Variants in ITGA9 observed in about 807,000 individuals in gnomAD.
The protein encoded by ITGA9 is integrin subunit alpha 9.
In ITGA9, 56 loss-of-function variants were observed where a neutral mutation model predicts 127.8. That is an observed-to-expected ratio of 0.44 (90% CI 0.35 to 0.55). ITGA9 has a LOEUF of 0.55. Ranked by LOEUF, ITGA9 falls within the 20% of genes least tolerant of loss-of-function variation. The pLI, the probability that ITGA9 is intolerant of heterozygous loss-of-function variation, is 0.00. For synonymous variants in ITGA9, 508 were observed against 514.5 expected (o/e 0.99, Z 0.17); for missense variants, 1,196 against 1,347.1 (o/e 0.89, Z 1.76).
At chr3:37,549,827 GC>G (rs1699361999) in intron 15 of ITGA9, among the ~76,000 whole-genome samples, 1 of 152,162 alleles carries the variant, frequency 6.6e-6, no homozygotes, top group African/African-American at 2.4e-5. Context: ...TTTGGAAGCA[GC>G]AAGATTTCTC....
At position 37,814,146 on chromosome 3, in the gene ITGA9, T is replaced by C. The variant is rs1040719961; in HGVS notation, c.3010-4745T>C. ...GTACCCAGCTGTGTGGCCCACAGTCTAGAGCCTTGAATTCACTTTGGGGAA... is the reference window on the plus strand; with the variant it reads ...GTACCCAGCTGTGTGGCCCACAGTCCAGAGCCTTGAATTCACTTTGGGGAA... On this transcript the variant is annotated intron_variant, in intron 27 of 27. Coordinates refer to ENST00000264741, the MANE Select transcript of ITGA9 (RefSeq NM_002207.3). The surrounding 1 kb of genome is among the most constrained non-coding windows in gnomAD (Gnocchi z 4.3). Among the ~76,000 whole-genome samples the C allele has an allele frequency of 2.6e-5, 4 of 152,202 alleles. No individual in the cohort carries two copies. Among genetic ancestry groups the C allele is most frequent in the South Asian group, 2.1e-4 (1 of 4,836 alleles).
intron 4 of ITGA9, among the ~76,000 whole-genome samples, chr3:37,489,898 A>G (rs1347360631): frequency 1.3e-5 from 2 of 152,152 alleles, no homozygotes; most frequent in Non-Finnish European, 1.5e-5. Flanking sequence ...TTGTGGATGG[A>G]GTAATGGTGA....
intron 23 of ITGA9, among the ~76,000 whole-genome samples, chr3:37,773,850 T>C (rs1404384364): frequency 6.6e-6 from 1 of 152,244 alleles, no homozygotes; most frequent in Non-Finnish European, 1.5e-5. Flanking sequence ...CAACTATCTG[T>C]GTATAATGTT....
intron 1 of ITGA9, among the ~76,000 whole-genome samples, chr3:37,460,482 A>G (rs992615655): frequency 6.6e-6 from 1 of 152,174 alleles, no homozygotes; most frequent in Non-Finnish European, 1.5e-5. Flanking sequence ...TAAACGCTTC[A>G]GGTGATGGAT....
At chr3:37,650,487 C>T (rs1700419444) in intron 16 of ITGA9, among the ~76,000 whole-genome samples, 1 of 152,074 alleles carries the variant, frequency 6.6e-6, no homozygotes, top group African/African-American at 2.4e-5. Context: ...GGCTGGAGTG[C>T]AATGGTTGGT....
chr3:37,749,079 C>T (rs1696547527), intron 22 of ITGA9: 1 of 314,664 alleles, frequency 3.2e-6, no homozygotes, highest in Non-Finnish European at 5.8e-6. Flanking sequence ...TTCTGAAGAA[C>T]AGAAGTCCAA....
intron 18 of ITGA9, 101 bp from the exon 19 acceptor site, chr3:37,732,611 G>A (rs143126335): frequency 3.0e-5 from 26 of 855,234 alleles, no homozygotes; most frequent in African/African-American, 1.0e-4. Context: ...GGTGCCTACC[G>A]TCTGAGCACT....
chr3:37,818,868 T>C, intron 27 of ITGA9, 23 bp from the exon 28 acceptor site: 1 of 1,579,918 alleles, frequency 6.3e-7, no homozygotes, highest in Non-Finnish European at 8.7e-7. Flanking sequence ...CTAACTCAGC[T>C]TCTCTTTCTT....
intron 23 of ITGA9, among the ~76,000 whole-genome samples, chr3:37,758,005 A>G (rs1696674511): frequency 6.6e-6 from 1 of 151,794 alleles, no homozygotes; most frequent in Non-Finnish European, 1.5e-5. Context: ...TCACTTTGAA[A>G]ACAGATACAA....
At chr3:37,518,771 CTTTTTTTTTTTTTTTTTTTTT>C (rs543297344) in intron 10 of ITGA9, among the ~76,000 whole-genome samples, 2 of 43,492 alleles carry the variant, frequency 4.6e-5, no homozygotes, top group South Asian at 9.1e-4. Flanking sequence ...TTTCACTGTA[CTTTTTTTTTTTTTTTTTTTTT>C]TTTTTTTTTT....
intron 19 of ITGA9, chr3:37,733,013 T>G (rs1696313329): frequency 1.8e-6 from 1 of 570,944 alleles, no homozygotes; most frequent in African/African-American, 1.9e-5. Context: ...TTCTCTTCGA[T>G]TCACATGATG....
At chr3:37,468,214 C>T (rs745652215) in intron 1 of ITGA9, among the ~76,000 whole-genome samples, 1 of 151,974 alleles carries the variant, frequency 6.6e-6, no homozygotes, top group Non-Finnish European at 1.5e-5. Context: ...CGCAGGGCAG[C>T]CTGGGTACCT....
chr3:37,513,128 C>G (rs1698950462), intron 8 of ITGA9, among the ~76,000 whole-genome samples: 1 of 152,198 alleles, frequency 6.6e-6, no homozygotes, highest in Admixed American at 6.5e-5. Context: ...TGTGAGATTT[C>G]ATATTCCTAC....
At chr3:37,747,510 T>A (rs1019987830) in intron 22 of ITGA9, among the ~76,000 whole-genome samples, 1 of 152,014 alleles carries the variant, frequency 6.6e-6, no homozygotes, top group Non-Finnish European at 1.5e-5. Flanking sequence ...TTTTAATCCA[T>A]TAACCATCCC....
chr3:37,530,814 C>T (rs892870351), intron 13 of ITGA9, among the ~76,000 whole-genome samples: 2 of 138,958 alleles, frequency 1.4e-5, no homozygotes, highest in South Asian at 2.5e-4. Flanking sequence ...TGCAGTGGCG[C>T]GATCTTGGCT....
chr3:37,796,022 C>A (rs1697168372), intron 26 of ITGA9, among the ~76,000 whole-genome samples: 1 of 152,208 alleles, frequency 6.6e-6, no homozygotes, highest in Non-Finnish European at 1.5e-5. Context: ...GCCTCCAGCT[C>A]CTGTCTCTCC....
At chr3:37,455,142 T>G (rs1698243067) in intron 1 of ITGA9, among the ~76,000 whole-genome samples, 1 of 152,220 alleles carries the variant, frequency 6.6e-6, no homozygotes, top group African/African-American at 2.4e-5. Context: ...ACTTCAACTG[T>G]GGGGTTGGTT....
chr3:37,625,812 G>A (rs1240271945), intron 15 of ITGA9, among the ~76,000 whole-genome samples: 2 of 152,128 alleles, frequency 1.3e-5, no homozygotes, highest in Non-Finnish European at 2.9e-5. Context: ...TGGGAAGAAG[G>A]GGCTGTCCTT....
chr3:37,748,422 C>T, intron 22 of ITGA9: 1 of 591,740 alleles, frequency 1.7e-6, no homozygotes, highest in Non-Finnish European at 3.2e-6. Context: ...GCCAAGATAG[C>T]TTCCTGAAAC....
Sources: gnomAD v4.1 joint callset for allele counts (sites outside exome capture counted in the v4.1 genomes callset) on GRCh38, gnomAD v4.1.1 for gene constraint, Gnocchi (gnomAD v3.1) non-coding constraint, MANE v1.5 for transcripts, NCBI Gene and HGNC (gene_info 2026-07-23, HGNC 2026-07-21) for gene names.